The following LRRC7 variants were observed in gnomAD, a reference collection of about 807,000 sequenced individuals.
LRRC7 encodes leucine rich repeat containing 7, also known as leucine-rich repeat-containing protein 7.
A neutral mutation model predicts 175.7 loss-of-function variants in LRRC7; 23 were observed. The ratio of observed to expected loss-of-function variants is 0.13; its 90% CI spans 0.09 to 0.19. The LOEUF (loss-of-function observed/expected upper bound fraction) is 0.19, where lower values mean the gene tolerates loss of function less well. Among genes scored for constraint, LRRC7 ranks in the 10% least tolerant of loss-of-function variants. The probability of loss-of-function intolerance (pLI) is 1.00; values close to 1 mark genes in which losing one functional copy is unlikely to be tolerated. For synonymous variants in LRRC7, 685 were observed against 680.9 expected (o/e 1.01, Z -0.09); for missense variants, 1,354 against 1,904.7 (o/e 0.71, Z 5.38).
chr1:69,741,576 A>T (rs1231203599), intron 2 of LRRC7, among the ~76,000 whole-genome samples: 1 of 151,990 alleles, frequency 6.6e-6, no homozygotes, highest in Non-Finnish European at 1.5e-5. Context: ...TTTGACAGTG[A>T]TTAGCGTAGA....
chr1:69,642,912 G>A (rs1438813528), intron 1 of LRRC7, among the ~76,000 whole-genome samples: 1 of 152,046 alleles, frequency 6.6e-6, no homozygotes, highest in Non-Finnish European at 1.5e-5. Flanking sequence ...TAATTATGAA[G>A]GCTGAGAAGT....
rs753630237 is a variant in LRRC7 at position 69,980,495 on chromosome 1, A to G, written c.786+42A>G. 3.5e-6 allele frequency: 5 copies of G among 1,418,906 alleles called. No homozygotes were observed. In the Admixed American group the frequency reaches 7.6e-5, roughly 22 times the overall value. 87.9% of individuals were successfully genotyped at this position (1,418,906 alleles called of 1,614,324 possible). A position where few individuals can be genotyped will look rare whatever the true frequency, so the allele number is the denominator to read the frequency against. ...TCTACCATGTTGTTTAATATTTGTTATACGTTTGTTGTATTTGATCATAAT... is the reference window on the plus strand; with the variant it reads ...TCTACCATGTTGTTTAATATTTGTTGTACGTTTGTTGTATTTGATCATAAT... On this transcript the variant is annotated intron_variant, in intron 9 of 26. Coordinates refer to ENST00000651989, the MANE Select transcript of LRRC7 (RefSeq NM_001370785.2).
chr1:70,012,959 T>C lies in LRRC7; in HGVS notation c.1135-15T>C. On this transcript the variant is annotated splice_polypyrimidine_tract_variant and intron_variant, in intron 12 of 26. Transcript: ENST00000651989. ...TGGTCTGATTTTTTTACCTATTTTC[T>C]TTTGTTACCTACAGATTGGAAGTTG... 1 of 1,424,472 alleles carries C rather than the reference T, an allele frequency of 7.0e-7. No homozygotes were observed. Among genetic ancestry groups the C allele is most frequent in the Non-Finnish European group, 9.6e-7 (1 of 1,044,850 alleles). The allele number at this position is 1,424,472 out of a possible 1,614,324, so 88.2% of individuals were successfully genotyped here.
chr1:69,956,215 T>C (rs901436217), intron 8 of LRRC7, among the ~76,000 whole-genome samples: 11 of 151,946 alleles, frequency 7.2e-5, no homozygotes, highest in African/African-American at 2.4e-4. Flanking sequence ...CTTGCCTGTA[T>C]CCTAGTATAA....
Position 70,126,609 on chromosome 1 carries a change from C to T in LRRC7, c.*4722C>T, listed in dbSNP as rs934388373. 1.3e-5 allele frequency among the ~76,000 whole-genome samples: 2 copies of T among 152,096 alleles called. No homozygotes were observed. The highest frequency in any genetic ancestry group is 4.8e-5 in the African/African-American group (2 of 41,410). On this transcript the variant is annotated 3_prime_UTR_variant, in exon 27 of 27. Coordinates refer to ENST00000651989, the MANE Select transcript of LRRC7 (RefSeq NM_001370785.2). ...GCTCAGAATATTTCCCATCACCCAC[C>T]AACACCATACCCAAAGAATACATTA...
At chr1:70,034,014 T>A (rs1381589404) in intron 18 of LRRC7, among the ~76,000 whole-genome samples, 1 of 152,176 alleles carries the variant, frequency 6.6e-6, no homozygotes, top group Admixed American at 6.5e-5. Context: ...ATTACCTTTA[T>A]TTTAATGATG....
In LRRC7 at chr1:70,137,653, T is replaced by G. The variant is rs1666923070; in HGVS notation, c.*15766T>G. The stretch of plus-strand genomic sequence containing the variant: ...CTGAGATAAAATTTTCTAGGAAGTA[T>G]AAAAACTAAAGAATGCCTGGAACTA... On this transcript the variant is annotated 3_prime_UTR_variant, in exon 27 of 27. Coordinates refer to ENST00000651989, the MANE Select transcript of LRRC7 (RefSeq NM_001370785.2). Among the ~76,000 whole-genome samples the G allele has an allele frequency of 6.6e-6, 1 of 152,158 alleles. No homozygotes were observed. Among genetic ancestry groups the G allele is most frequent in the Non-Finnish European group, 1.5e-5 (1 of 68,020 alleles).
chr1:69,578,241 G>A (rs550456644), intron 1 of LRRC7, among the ~76,000 whole-genome samples: 173 of 150,974 alleles, frequency 1.1e-3, no homozygotes, highest in African/African-American at 4.0e-3. Context: ...ACCACAATGA[G>A]ATACCATCTC....
chr1:70,027,310 G>A (rs1200652132), intron 17 of LRRC7, among the ~76,000 whole-genome samples: 1 of 151,974 alleles, frequency 6.6e-6, no homozygotes, highest in Non-Finnish European at 1.5e-5. Flanking sequence ...CAAGTACCGT[G>A]ATGATGAAAT....
intron 6 of LRRC7, among the ~76,000 whole-genome samples, chr1:69,835,965 A>G: frequency 6.6e-6 from 1 of 151,928 alleles, no homozygotes; most frequent in Non-Finnish European, 1.5e-5. Context: ...GTTTTTCAAT[A>G]TTTTTCAGGT....
chr1:69,718,765 A>G (rs533842002), intron 2 of LRRC7, among the ~76,000 whole-genome samples: 1 of 151,794 alleles, frequency 6.6e-6, no homozygotes, highest in Non-Finnish European at 1.5e-5. Context: ...CTGTTTTGTT[A>G]AAAGAAACCA....
chr1:69,894,126 A>T (rs999290568), intron 7 of LRRC7, among the ~76,000 whole-genome samples: 3 of 152,242 alleles, frequency 2.0e-5, no homozygotes, highest in African/African-American at 4.8e-5. Context: ...TAATCTAGGG[A>T]CCAGAATCTA....
chr1:69,677,037 T>A (rs578034081), intron 1 of LRRC7, among the ~76,000 whole-genome samples: 2 of 151,968 alleles, frequency 1.3e-5, no homozygotes, highest in African/African-American at 4.8e-5. Flanking sequence ...ATATGGTATT[T>A]GGTTTTTGTT....
At position 69,806,884 on chromosome 1, in the gene LRRC7, A is replaced by G. The variant is rs535073553; in HGVS notation, c.421+14724A>G. The stretch of plus-strand genomic sequence containing the variant: ...TTCTCTATAAATGATACCATCAGCT[A>G]TAATTGCTTCAGGCTGATACTCAGA... On this transcript the variant is annotated intron_variant, in intron 4 of 26. Transcript: ENST00000651989. Among the ~76,000 whole-genome samples, 7 of 152,118 alleles carry G rather than the reference A, an allele frequency of 4.6e-5. No homozygotes were observed. The East Asian group carries it at 5.8e-4, about 13-fold the overall frequency.
intron 23 of LRRC7, among the ~76,000 whole-genome samples, chr1:70,058,541 C>G (rs916706498): frequency 2.0e-5 from 3 of 152,112 alleles, no homozygotes; most frequent in Non-Finnish European, 4.4e-5. Flanking sequence ...TACAGTCTAT[C>G]GGATTATGCC....
intron 25 of LRRC7, among the ~76,000 whole-genome samples, chr1:70,090,383 AC>A (rs1206931340): frequency 6.6e-6 from 1 of 152,088 alleles, no homozygotes; most frequent in African/African-American, 2.4e-5. Flanking sequence ...CTCCTCTCAT[AC>A]TTACCCCTGC....
rs72938946 is a variant in LRRC7, at chr1:69,667,994, A to C, written c.3-10387A>C. On this transcript the variant is annotated intron_variant, in intron 1 of 26. Coordinates refer to ENST00000651989, the MANE Select transcript of LRRC7 (RefSeq NM_001370785.2). Reference sequence around the variant, plus strand: ...CCCATTGTATGTTTTTTTTTATTTGAGGTCACCATGAGGCCTGCAAATACT... The same window carrying C: ...CCCATTGTATGTTTTTTTTTATTTGCGGTCACCATGAGGCCTGCAAATACT... 6.5e-3 allele frequency among the ~76,000 whole-genome samples: 984 copies of C among 150,996 alleles called. 5 individuals are homozygous for C. The highest frequency in any genetic ancestry group is 0.023 in the African/African-American group (932 of 41,112).
intron 2 of LRRC7, among the ~76,000 whole-genome samples, chr1:69,679,369 T>A (rs751311890): frequency 2.0e-4 from 30 of 152,110 alleles, no homozygotes; most frequent in Admixed American, 1.2e-3. Flanking sequence ...TTGGCGTTTT[T>A]AAATTAGTTT....
chr1:70,098,649 A>T (rs1240755316), intron 25 of LRRC7, among the ~76,000 whole-genome samples: 3 of 152,092 alleles, frequency 2.0e-5, no homozygotes, highest in African/African-American at 7.3e-5. Flanking sequence ...ATCACCACTG[A>T]TCCCACAGAA....
Sources: gnomAD v4.1 joint callset for allele counts (sites outside exome capture counted in the v4.1 genomes callset) on GRCh38, gnomAD v4.1.1 for gene constraint, MANE v1.5 for transcripts, NCBI Gene and HGNC (gene_info 2026-07-23, HGNC 2026-07-21) for gene names.